Variants in SHISAL1 observed in about 807,000 individuals in gnomAD.
SHISAL1 encodes the protein shisa like 1, also known as protein shisa-like-1.
In SHISAL1, 9 loss-of-function variants were observed where a neutral mutation model predicts 22.6. The observed-to-expected ratio is 0.40, with a 90% CI of 0.24 to 0.70. The LOEUF (loss-of-function observed/expected upper bound fraction) is 0.70, where lower values mean the gene tolerates loss of function less well. Among genes scored for constraint, SHISAL1 ranks in the 30% least tolerant of loss-of-function variants. The pLI is 0.39. For synonymous variants in SHISAL1, 119 were observed against 115.4 expected (o/e 1.03, Z -0.20); for missense variants, 246 against 270.6 (o/e 0.91, Z 0.64).
chr22:44,252,995 TAAAAA>T (rs907870195), intron 4 of SHISAL1, among the ~76,000 whole-genome samples: 2 of 149,116 alleles, frequency 1.3e-5, no homozygotes, highest in African/African-American at 5.0e-5. Flanking sequence ...GACTCCATCT[TAAAAA>T]AAATAAAAAA....
intron 4 of SHISAL1, among the ~76,000 whole-genome samples, chr22:44,271,422 C>T (rs574047695): frequency 6.6e-6 from 1 of 152,030 alleles, no homozygotes; most frequent in Admixed American, 6.6e-5. Context: ...TTAGAAGCTA[C>T]AGGAAGTCCA....
At chr22:44,251,790 A>G (rs28665013) in intron 4 of SHISAL1, among the ~76,000 whole-genome samples, 2 of 152,202 alleles carry the variant, frequency 1.3e-5, no homozygotes, top group East Asian at 3.8e-4. Context: ...GGTTCCTCCC[A>G]TGCCACATGG....
At position 44,253,425 on chromosome 22, in the gene SHISAL1, A is replaced by ATTTTT. The variant is rs1491154287; in HGVS notation, c.*-3741_*-3740insAAAAA. On this transcript the variant is annotated intron_variant, in intron 4 of 4. Coordinates refer to ENST00000381176, the MANE Select transcript of SHISAL1 (RefSeq NM_001099294.2). ...AAGCAGAGTATGCTAGTATTAGTGC[A>ATTTTT]TGTTTTTTTTTTTTTTTTTTTTTGA... Among the ~76,000 whole-genome samples, 14 of 107,882 alleles carry ATTTTT rather than the reference A, an allele frequency of 1.3e-4. 6 individuals are homozygous for ATTTTT. The highest frequency in any genetic ancestry group is 1.2e-4 in the Non-Finnish European group (6 of 50,376). 70.8% of individuals were successfully genotyped at this position (107,882 alleles called of 152,430 possible).
chr22:44,295,760 A>G (rs73165817), intron 3 of SHISAL1, among the ~76,000 whole-genome samples: 25,127 of 152,176 alleles, frequency 0.17, 2,182 homozygotes, highest in East Asian at 0.27. Flanking sequence ...TCACGGTAAA[A>G]GAAATACAAA....
At chr22:44,316,037 C>A (rs149516062), upstream of SHISAL1, among the ~76,000 whole-genome samples, 12 of 152,338 alleles carry the variant, frequency 7.9e-5, no homozygotes, top group Admixed American at 7.8e-4. Flanking sequence ...GTGCTCTCTG[C>A]AGTGCCCGTG....
At chr22:44,309,417 AG>A (rs1414356244) in intron 1 of SHISAL1, among the ~76,000 whole-genome samples, 1 of 152,120 alleles carries the variant, frequency 6.6e-6, no homozygotes, top group Non-Finnish European at 1.5e-5. Context: ...GCAGAAGGGC[AG>A]GAAGTACAGA....
chr22:44,253,533 T>A (rs6006503), intron 4 of SHISAL1, among the ~76,000 whole-genome samples: 34,894 of 150,542 alleles, frequency 0.23, 4,820 homozygotes, highest in East Asian at 0.38. Context: ...GGTTCAAGCG[T>A]TTCTCCTGCC....
intron 4 of SHISAL1, among the ~76,000 whole-genome samples, chr22:44,268,592 A>AG (rs1449598068): frequency 6.6e-6 from 1 of 152,172 alleles, no homozygotes; most frequent in Non-Finnish European, 1.5e-5. Context: ...AGCACCCCCC[A>AG]GAAGACTCAG....
At chr22:44,283,372 C>T (rs1163281884) in intron 4 of SHISAL1, among the ~76,000 whole-genome samples, 1 of 152,264 alleles carries the variant, frequency 6.6e-6, no homozygotes, top group Non-Finnish European at 1.5e-5. Context: ...TCCCTGCAGG[C>T]TTGGCAAGCT....
the SHISAL1 span, among the ~76,000 whole-genome samples, chr22:44,331,016 C>A: frequency 2.0e-5 from 3 of 152,106 alleles, no homozygotes; most frequent in Non-Finnish European, 4.4e-5. This position sits in a 1 kb window ranked among gnomAD's most constrained non-coding sequence, Gnocchi z 5.2. Context: ...GCACGGGGCT[C>A]CCAGCTCACT....
chr22:44,262,473 G>A (rs1370257304), intron 4 of SHISAL1, among the ~76,000 whole-genome samples: 1 of 152,228 alleles, frequency 6.6e-6, no homozygotes, highest in Non-Finnish European at 1.5e-5. Context: ...CGGGCACTGT[G>A]CCAAGCACCT....
intron 1 of SHISAL1, among the ~76,000 whole-genome samples, chr22:44,307,621 C>T (rs186662062): frequency 7.9e-5 from 12 of 152,280 alleles, no homozygotes; most frequent in African/African-American, 2.9e-4. Flanking sequence ...CGTTCCTGAA[C>T]GCTCGTTGTT....
the SHISAL1 span, among the ~76,000 whole-genome samples, chr22:44,328,260 G>A: frequency 6.6e-6 from 1 of 152,184 alleles, no homozygotes; most frequent in Non-Finnish European, 1.5e-5. Flanking sequence ...GTGGTATAGT[G>A]TAGTGGTTGG....
At chr22:44,258,921 T>C (rs2055102989) in intron 4 of SHISAL1, among the ~76,000 whole-genome samples, 1 of 151,728 alleles carries the variant, frequency 6.6e-6, no homozygotes, top group South Asian at 2.1e-4. Flanking sequence ...GCAGGTACAG[T>C]AAGGGGCCCA....
At chr22:44,287,689 AG>A (rs1364422898) in intron 3 of SHISAL1, among the ~76,000 whole-genome samples, 2 of 152,252 alleles carry the variant, frequency 1.3e-5, no homozygotes, top group East Asian at 3.9e-4. Context: ...CTTTTCCTGG[AG>A]GCATCTGGAT....
At chr22:44,257,408 C>A (rs117373967) in intron 4 of SHISAL1, among the ~76,000 whole-genome samples, 36 of 152,268 alleles carry the variant, frequency 2.4e-4, no homozygotes, top group Non-Finnish European at 3.2e-4. Flanking sequence ...CCTCCCATAC[C>A]GTGCTTTCCT....
intron 1 of SHISAL1, among the ~76,000 whole-genome samples, chr22:44,303,300 G>C (rs976239054): frequency 2.0e-5 from 3 of 152,060 alleles, no homozygotes; most frequent in African/African-American, 7.2e-5. Flanking sequence ...CTAACTCCCA[G>C]GACTCAGAAG....
At chr22:44,325,944 G>A in the SHISAL1 span, among the ~76,000 whole-genome samples, 291 of 151,800 alleles carry the variant, frequency 1.9e-3, no homozygotes, top group South Asian at 0.014. Flanking sequence ...AGCCCTCCCT[G>A]ACCCCTCTCA....
At position 44,310,450 on chromosome 22, in the gene SHISAL1, T is replaced by G. The variant is rs12152178; in HGVS notation, c.-33+2301A>C. 4.2e-3 allele frequency among the ~76,000 whole-genome samples: 634 copies of G among 152,330 alleles called. 1 individual carries two copies. Among genetic ancestry groups the G allele is most frequent in the Non-Finnish European group, 7.5e-3 (513 of 68,030 alleles). ...ACATAGGCTTTGCAGCGAGTCTCCT[T>G]GGCCTTGGATCAGAGCTTTATCACT... is the stretch of plus-strand genomic sequence containing the variant. On this transcript the variant is annotated intron_variant, in intron 1 of 4. Coordinates refer to ENST00000381176, the MANE Select transcript of SHISAL1 (RefSeq NM_001099294.2). The surrounding 1 kb of genome is among the most constrained non-coding windows in gnomAD (Gnocchi z 4.0).
Sources: allele counts gnomAD v4.1 joint callset (sites outside exome capture counted in the v4.1 genomes callset), GRCh38; gene constraint gnomAD v4.1.1; non-coding constraint Gnocchi (gnomAD v3.1); transcripts MANE v1.5; gene names NCBI Gene and HGNC (gene_info 2026-07-23, HGNC 2026-07-21).